ACSM1: variants seen among roughly 807,000 people sequenced by gnomAD.
ACSM1 encodes the protein acyl-CoA synthetase medium chain family member 1.
ACSM1 carries 79 observed loss-of-function variants against 75.8 expected under a neutral mutation model. The observed-to-expected ratio is 1.04, with a 90% confidence interval of 0.87 to 1.26. The LOEUF (loss-of-function observed/expected upper bound fraction) is 1.26, where lower values mean the gene tolerates loss of function less well. Ranked by LOEUF, ACSM1 falls within the 50% of genes most tolerant of loss-of-function variation. The probability of loss-of-function intolerance (pLI) is 0.00; values close to 1 mark genes in which losing one functional copy is unlikely to be tolerated. For missense variants in ACSM1, 676 were observed against 720.1 expected, an observed-to-expected ratio of 0.94 and a Z score of 0.70; for synonymous variants, 279 against 265.8, an observed-to-expected ratio of 1.05 and a Z score of -0.48.
intron 7 of ACSM1, among the ~76,000 whole-genome samples, chr16:20,653,109 C>G (rs2018741345): frequency 6.6e-6 from 1 of 152,166 alleles, no homozygotes; most frequent in African/African-American, 2.4e-5. Flanking sequence ...ATATGCAAAT[C>G]TATAAACAAA....
rs371874316 is a variant in ACSM1, at chr16:20,671,561, C to A, written c.722G>T (p.Gly241Val). 2.5e-6 allele frequency: 4 copies of A among 1,613,276 alleles called. No individual in the cohort carries two copies. Among genetic ancestry groups the A allele is most frequent in the Non-Finnish European group, 2.5e-6 (3 of 1,179,758 alleles). Residue 241 changes from glycine (G) to valine (V), a missense_variant, in exon 5 of 14, where the codon GGG becomes GTG. Gly to Val is a moderately radical substitution (Grantham distance 109). Coordinates refer to ENST00000520010, the MANE Select transcript of ACSM1 (RefSeq NM_001318890.3). ...GFPKMAKHSH[G>V]LALQPSFPGS... The stretch of plus-strand genomic sequence containing the variant: ...TGGGAAGGAGGGTTGTAAGGCCAAC[C>A]CATGGGAGTGTTTTGCCATCTTGGG...
At chr16:20,677,860 T>C (rs1449401889) in intron 4 of ACSM1, among the ~76,000 whole-genome samples, 1 of 151,784 alleles carries the variant, frequency 6.6e-6, no homozygotes, top group Non-Finnish European at 1.5e-5. Context: ...CATGAGGCTA[T>C]TTACAAAGAA....
chr16:20,643,459 C>T (rs1046995576), intron 7 of ACSM1, among the ~76,000 whole-genome samples: 2 of 152,176 alleles, frequency 1.3e-5, no homozygotes, highest in African/African-American at 2.4e-5. Flanking sequence ...GTGGGTGTTA[C>T]AGCTCTTAAA....
intron 7 of ACSM1, among the ~76,000 whole-genome samples, chr16:20,659,349 G>T (rs2019171844): frequency 6.6e-6 from 1 of 152,158 alleles, no homozygotes; most frequent in Admixed American, 6.6e-5. Context: ...GCTGCTGTTT[G>T]TTGGCCTACA....
chr16:20,625,576 C>T (rs1485174297), intron 11 of ACSM1, 54 bp from the exon 12 acceptor site: 3 of 1,511,958 alleles, frequency 2.0e-6, no homozygotes, highest in Admixed American at 1.8e-5. Flanking sequence ...AACCAAGTCC[C>T]CAGATCTCCT....
intron 4 of ACSM1, chr16:20,680,889 G>A (rs2079431124): frequency 6.6e-6 from 1 of 152,234 alleles, no homozygotes. Flanking sequence ...GAGCATGTGT[G>A]TAGTAACAAT....
intron 4 of ACSM1, chr16:20,674,389 A>C (rs1198937369): frequency 5.0e-6 from 1 of 199,196 alleles, no homozygotes; most frequent in Non-Finnish European, 1.1e-5. Context: ...TCTCAATTGA[A>C]TAACTGTCTT....
In ACSM1 at chr16:20,648,013, G is replaced by A. The variant is rs2018454149; in HGVS notation, c.993-7429C>T. 6.6e-6 allele frequency among the ~76,000 whole-genome samples: 1 copy of A among 152,162 alleles called. No individual in the cohort carries two copies. Among genetic ancestry groups the A allele is most frequent in the African/African-American group, 2.4e-5 (1 of 41,452 alleles). On this transcript the variant is annotated intron_variant, in intron 7 of 13. Coordinates refer to ENST00000520010, the MANE Select transcript of ACSM1 (RefSeq NM_001318890.3). This position sits in a 1 kb window ranked among gnomAD's most constrained non-coding sequence, Gnocchi z 4.2. ...CCAATAAATAGCATGGGCTCCCAGA[G>A]CTCAGGAACTTTGCAGCCTCCACAG...
chr16:20,628,191 T>A (rs2017111502), intron 10 of ACSM1, among the ~76,000 whole-genome samples: 2 of 152,108 alleles, frequency 1.3e-5, no homozygotes, highest in Non-Finnish European at 2.9e-5. Context: ...TGCCCTGTAC[T>A]CTTCACTAGT....
At chr16:20,632,794 C>T (rs1300663435) in intron 10 of ACSM1, among the ~76,000 whole-genome samples, 1 of 151,106 alleles carries the variant, frequency 6.6e-6, no homozygotes, top group African/African-American at 2.4e-5. Flanking sequence ...CAGCAAAACA[C>T]TAGCAAACCA....
intron 6 of ACSM1, among the ~76,000 whole-genome samples, chr16:20,667,746 A>G (rs539183190): frequency 2.3e-4 from 35 of 152,294 alleles, no homozygotes; most frequent in South Asian, 4.1e-4. Context: ...CATCAAATTG[A>G]CCTAGGTGCC....
intron 2 of ACSM1, 86 bp downstream of exon 2, chr16:20,690,911 T>G: frequency 2.2e-6 from 3 of 1,355,120 alleles, no homozygotes; most frequent in Non-Finnish European, 2.0e-6. Context: ...GTAACTTTGG[T>G]TCCATACCTT....
intron 2 of ACSM1, 62 bp downstream of exon 2, chr16:20,690,935 A>G: frequency 2.0e-6 from 3 of 1,522,162 alleles, no homozygotes; most frequent in Non-Finnish European, 1.8e-6. Flanking sequence ...GCCTAGTAGG[A>G]GCAAGATAAG....
intron 4 of ACSM1, among the ~76,000 whole-genome samples, chr16:20,672,471 A>AATATATATATATATATATAT (rs1392857890): frequency 3.1e-5 from 2 of 64,556 alleles, no homozygotes; most frequent in African/African-American, 1.2e-4. Context: ...AAAAAAAAAA[A>AATATATATATATATATATAT]ATATATATAT....
In ACSM1 at chr16:20,664,651, G is replaced by A. The variant is rs1596884234; in HGVS notation, c.913-2778C>T. Among the ~76,000 whole-genome samples the A allele has an allele frequency of 3.9e-5, 6 of 152,248 alleles. No homozygotes were observed. In the South Asian group the frequency reaches 1.0e-3, roughly 26 times the overall value. ...CTTAAACTCAACATTTGACCAATTG[G>A]ACCTAATAGACATCCACAGAATAAT... On this transcript the variant is annotated intron_variant, in intron 6 of 13. Transcript: ENST00000520010.
chr16:20,666,437 A>C (rs1365723950), intron 6 of ACSM1, among the ~76,000 whole-genome samples: 2 of 152,184 alleles, frequency 1.3e-5, no homozygotes, highest in African/African-American at 4.8e-5. Flanking sequence ...AAAGATGGCT[A>C]CAAAGAAAAC....
At chr16:20,637,284 A>T (rs761626036) in intron 9 of ACSM1, 87 bp downstream of exon 9, 2 of 1,004,938 alleles carry the variant, frequency 2.0e-6, no homozygotes, top group Middle Eastern at 2.0e-4. Flanking sequence ...GGAGCAGGGA[A>T]GTGCGGCTGG....
At chr16:20,690,868 C>A in intron 2 of ACSM1, 129 bp downstream of exon 2, 1 of 845,098 alleles carries the variant, frequency 1.2e-6, no homozygotes, top group Non-Finnish European at 1.8e-6. Flanking sequence ...GAAATATAAG[C>A]TTCTTCCACA....
chr16:20,661,751 A>C (rs1470069096), intron 7 of ACSM1, 43 bp downstream of exon 7: 1 of 1,439,806 alleles, frequency 6.9e-7, no homozygotes, highest in East Asian at 2.3e-5. Context: ...AGATTCCTTA[A>C]AATCTTACCC....
Sources: gnomAD v4.1 joint callset for allele counts (sites outside exome capture counted in the v4.1 genomes callset) on GRCh38, gnomAD v4.1.1 for gene constraint, Gnocchi (gnomAD v3.1) non-coding constraint, MANE v1.5 for transcripts, NCBI Gene and HGNC (gene_info 2026-07-23, HGNC 2026-07-21) for gene names.